Variants in PRKG1 observed in about 807,000 individuals in gnomAD.
PRKG1 encodes the protein protein kinase cGMP-dependent 1.
Under a neutral mutation model 88.1 loss-of-function variants are expected in PRKG1, and 35 were observed. That is an observed-to-expected ratio of 0.40 (90% CI 0.30 to 0.53). PRKG1 has a LOEUF of 0.53. Ranked by LOEUF, PRKG1 falls within the 20% of genes least tolerant of loss-of-function variation. PRKG1 has a pLI of 0.59. For synonymous variants in PRKG1, 303 were observed against 292.5 expected (o/e 1.04, Z -0.37); for missense variants, 540 against 839.8 (o/e 0.64, Z 4.41).
chr10:51,212,885 A>G (rs1179275579), intron 2 of PRKG1, among the ~76,000 whole-genome samples: 1 of 152,226 alleles, frequency 6.6e-6, no homozygotes, highest in African/African-American at 2.4e-5. Context: ...AACTAGTTCA[A>G]CCATTGTGGA....
intron 9 of PRKG1, among the ~76,000 whole-genome samples, chr10:52,168,906 A>G (rs968356412): frequency 3.3e-5 from 5 of 152,100 alleles, no homozygotes; most frequent in Non-Finnish European, 5.9e-5. Context: ...GTGATCATGA[A>G]CTGATTTTTT....
chr10:52,284,098 T>C (rs971818146), intron 14 of PRKG1, among the ~76,000 whole-genome samples: 2 of 151,860 alleles, frequency 1.3e-5, no homozygotes, highest in African/African-American at 4.8e-5. Flanking sequence ...TTTAATCCTT[T>C]AAAGTAGAAA....
chr10:51,741,319 G>A (rs1329397920), intron 3 of PRKG1, among the ~76,000 whole-genome samples: 1 of 152,070 alleles, frequency 6.6e-6, no homozygotes, highest in Non-Finnish European at 1.5e-5. Context: ...GAGTGCTACA[G>A]TTCACATTAA....
At chr10:51,468,444 A>G (rs1203512509) in intron 3 of PRKG1, among the ~76,000 whole-genome samples, 1 of 151,884 alleles carries the variant, frequency 6.6e-6, no homozygotes, top group Non-Finnish European at 1.5e-5. Flanking sequence ...TTTTACATGT[A>G]TGTGTATATA....
At chr10:51,905,407 T>A (rs761803252) in intron 4 of PRKG1, among the ~76,000 whole-genome samples, 1 of 152,154 alleles carries the variant, frequency 6.6e-6, no homozygotes, top group Non-Finnish European at 1.5e-5. Flanking sequence ...AGAGCATTAT[T>A]GTTTCTTTTA....
At chr10:51,884,432 G>A (rs1239971197) in intron 4 of PRKG1, among the ~76,000 whole-genome samples, 1 of 66,826 alleles carries the variant, frequency 1.5e-5, no homozygotes, top group Non-Finnish European at 2.6e-5. Flanking sequence ...GCGACAGAGT[G>A]AAACTCCGTC....
intron 4 of PRKG1, among the ~76,000 whole-genome samples, chr10:51,832,606 G>A (rs1445100434): frequency 5.9e-5 from 9 of 152,018 alleles, no homozygotes; most frequent in Admixed American, 5.9e-4. Flanking sequence ...GATAATTTTA[G>A]TCTCTAGAAT....
chr10:52,071,889 G>T (rs1182496091), intron 7 of PRKG1, among the ~76,000 whole-genome samples: 2 of 152,172 alleles, frequency 1.3e-5, no homozygotes, highest in African/African-American at 2.4e-5. Flanking sequence ...CCAGTTACAA[G>T]GCTTGGGTTT....
chr10:51,976,199 TGA>T (rs748213839), intron 5 of PRKG1, among the ~76,000 whole-genome samples: 2 of 151,964 alleles, frequency 1.3e-5, no homozygotes, highest in Non-Finnish European at 2.9e-5. Context: ...GAAAATAGTT[TGA>T]GAATTCCTCA....
intron 3 of PRKG1, among the ~76,000 whole-genome samples, chr10:51,594,620 T>C (rs898028376): frequency 6.6e-6 from 1 of 152,236 alleles, no homozygotes; most frequent in African/African-American, 2.4e-5. Flanking sequence ...ACTTTTGATA[T>C]GTTTCCTCAA....
At chr10:52,146,595 C>T (rs1837734947) in intron 8 of PRKG1, among the ~76,000 whole-genome samples, 1 of 152,102 alleles carries the variant, frequency 6.6e-6, no homozygotes, top group African/African-American at 2.4e-5. Context: ...GAGTATAATT[C>T]TATTTTCAAA....
At chr10:51,470,269 G>T (rs1840014748) in intron 3 of PRKG1, among the ~76,000 whole-genome samples, 1 of 151,598 alleles carries the variant, frequency 6.6e-6, no homozygotes, top group African/African-American at 2.4e-5. Flanking sequence ...ATATTTTCCT[G>T]TCGTCATGTC....
intron 2 of PRKG1, among the ~76,000 whole-genome samples, chr10:51,256,001 A>G (rs1388278558): frequency 6.6e-6 from 1 of 152,132 alleles, no homozygotes; most frequent in African/African-American, 2.4e-5. Flanking sequence ...CATTTAGTCC[A>G]GTGTTATTTT....
intron 1 of PRKG1, among the ~76,000 whole-genome samples, chr10:51,106,529 C>T (rs1476657956): frequency 6.6e-6 from 1 of 152,122 alleles, no homozygotes; most frequent in Admixed American, 6.5e-5. Context: ...AAGACATCAG[C>T]ACCTTTCTTA....
At chr10:52,103,942 C>T (rs975168477) in intron 7 of PRKG1, among the ~76,000 whole-genome samples, 8 of 149,856 alleles carry the variant, frequency 5.3e-5, no homozygotes, top group South Asian at 2.1e-4. Context: ...TTAAAATCAG[C>T]CCTTAATTCT....
intron 2 of PRKG1, among the ~76,000 whole-genome samples, chr10:51,188,027 CTAAGT>C (rs1256032480): frequency 6.6e-6 from 1 of 151,936 alleles, no homozygotes; most frequent in Non-Finnish European, 1.5e-5. Flanking sequence ...TCTGTTGCTC[CTAAGT>C]TTAGTACAAT....
chr10:51,586,405 G>A (rs1838174628), intron 3 of PRKG1, among the ~76,000 whole-genome samples: 1 of 152,228 alleles, frequency 6.6e-6, no homozygotes, highest in Non-Finnish European at 1.5e-5. Context: ...ATGATAAAAG[G>A]AAGAAATTGA....
intron 3 of PRKG1, among the ~76,000 whole-genome samples, chr10:51,560,094 A>G (rs12250825): frequency 1.1e-4 from 17 of 152,196 alleles, no homozygotes; most frequent in African/African-American, 4.1e-4. Flanking sequence ...CAGCTTTTTA[A>G]TCTCCCAGAG....
At position 52,203,928 on chromosome 10, in the gene PRKG1, G is replaced by C. The variant is rs759814655; in HGVS notation, c.1076+41965G>C. 2.6e-5 allele frequency among the ~76,000 whole-genome samples: 4 copies of C among 152,198 alleles called. No individual in the cohort carries two copies. The South Asian group carries it at 8.3e-4, about 32-fold the overall frequency. On this transcript the variant is annotated intron_variant, in intron 9 of 17. Transcript: ENST00000373980. ...ATGAGAGTCATTGCATGTGAGATGGGTCACTTGAAGACAGCATACAGTTGG... is the reference window on the plus strand; with the variant it reads ...ATGAGAGTCATTGCATGTGAGATGGCTCACTTGAAGACAGCATACAGTTGG...
Sources: gnomAD v4.1 joint callset for allele counts (sites outside exome capture counted in the v4.1 genomes callset) on GRCh38, gnomAD v4.1.1 for gene constraint, MANE v1.5 for transcripts, NCBI Gene and HGNC (gene_info 2026-07-23, HGNC 2026-07-21) for gene names.